Variants in OSBPL9 observed in about 807,000 individuals in gnomAD.
The protein encoded by OSBPL9 is oxysterol-binding protein-related protein 9.
In OSBPL9, 40 loss-of-function variants were observed where a neutral mutation model predicts 106.6. The ratio of observed to expected loss-of-function variants is 0.38; its 90% CI spans 0.29 to 0.49. OSBPL9 has a LOEUF of 0.49. Among genes scored for constraint, OSBPL9 ranks in the 20% least tolerant of loss-of-function variants. The probability of loss-of-function intolerance (pLI) is 0.97; values close to 1 mark genes in which losing one functional copy is unlikely to be tolerated. For missense variants in OSBPL9, 609 were observed against 887.2 expected, an observed-to-expected ratio of 0.69 and a Z score of 3.98; for synonymous variants, 269 against 295.4, an observed-to-expected ratio of 0.91 and a Z score of 0.92.
chr1:51,649,381 G>A (rs1488478367), intron 1 of OSBPL9, among the ~76,000 whole-genome samples: 3 of 152,152 alleles, frequency 2.0e-5, no homozygotes, highest in South Asian at 2.1e-4. Context: ...AAAGTGTTGG[G>A]ATTACAAGCG....
intron 4 of OSBPL9, among the ~76,000 whole-genome samples, chr1:51,727,474 A>G (rs953600237): frequency 1.3e-5 from 2 of 152,220 alleles, no homozygotes; most frequent in African/African-American, 4.8e-5. Flanking sequence ...CACTTCGTTA[A>G]GCTTACAGTC....
intron 8 of OSBPL9, among the ~76,000 whole-genome samples, chr1:51,750,450 A>C (rs547770568): frequency 2.6e-5 from 4 of 152,206 alleles, no homozygotes; most frequent in Admixed American, 2.6e-4. Flanking sequence ...CATTTTATCC[A>C]TTATCACTGC....
intron 2 of OSBPL9, among the ~76,000 whole-genome samples, chr1:51,599,792 A>T (rs1269243304): frequency 8.5e-5 from 13 of 152,224 alleles, no homozygotes. Context: ...CTACTATAAC[A>T]AAGTACCTAA....
At chr1:51,691,912 C>G (rs1289073284) in intron 3 of OSBPL9, among the ~76,000 whole-genome samples, 1 of 152,106 alleles carries the variant, frequency 6.6e-6, no homozygotes, top group Non-Finnish European at 1.5e-5. Flanking sequence ...CTATCATCTC[C>G]TATGATAACA....
At position 51,782,545 on chromosome 1, in the gene OSBPL9, A is replaced by C; in HGVS notation, c.1429-14A>C. 1.2e-6 allele frequency: 2 copies of C among 1,610,832 alleles called. No individual in the cohort carries two copies. Among genetic ancestry groups the C allele is most frequent in the Non-Finnish European group, 1.7e-6 (2 of 1,177,838 alleles). On this transcript the variant is annotated splice_polypyrimidine_tract_variant and intron_variant, in intron 16 of 23. Coordinates refer to ENST00000428468, the MANE Select transcript of OSBPL9 (RefSeq NM_024586.6). Reference sequence around the variant, plus strand: ...TTTCTCATCAAAAGAAAATTATGTTATATTTGCTTGCAGGAACTAGTTTCA... The same window carrying C: ...TTTCTCATCAAAAGAAAATTATGTTCTATTTGCTTGCAGGAACTAGTTTCA...
chr1:51,551,885 G>T, the OSBPL9 span, among the ~76,000 whole-genome samples: 1 of 151,868 alleles, frequency 6.6e-6, no homozygotes, highest in East Asian at 1.9e-4. Context: ...GAGACACCGT[G>T]TCCAGCCTTC....
At chr1:51,643,934 G>A (rs1475809948) in intron 1 of OSBPL9, among the ~76,000 whole-genome samples, 1 of 151,828 alleles carries the variant, frequency 6.6e-6, no homozygotes, top group African/African-American at 2.4e-5. Context: ...AAAAAAATTA[G>A]CTGGGTGTGG....
At chr1:51,622,584 A>G (rs953057319) in intron 1 of OSBPL9, among the ~76,000 whole-genome samples, 7 of 152,210 alleles carry the variant, frequency 4.6e-5, no homozygotes, top group Admixed American at 2.0e-4. Flanking sequence ...CTGGAGCAGG[A>G]AGATCAGCTT....
intron 1 of OSBPL9, among the ~76,000 whole-genome samples, chr1:51,623,177 G>A (rs1644549529): frequency 6.6e-6 from 1 of 152,204 alleles, no homozygotes; most frequent in Non-Finnish European, 1.5e-5. Flanking sequence ...ATGCAGGTTG[G>A]AGTGGCTTGA....
In OSBPL9 at chr1:51,663,295, AGTGT is replaced by A. The variant is rs10544368; in HGVS notation, c.163-6112_163-6109del. On this transcript the variant is annotated intron_variant, in intron 2 of 23. Transcript: ENST00000428468. ...AGTCATTTGAGTCATTATGCTGGCA[AGTGT>A]GTGTGTGTGTGTGTGTGTGTGTGTG... 5.6e-4 allele frequency among the ~76,000 whole-genome samples: 84 copies of A among 148,804 alleles called. 1 individual carries two copies. Among genetic ancestry groups the A allele is most frequent in the African/African-American group, 6.4e-4 (26 of 40,340 alleles).
chr1:51,751,774 T>A (rs1463395676), intron 8 of OSBPL9, among the ~76,000 whole-genome samples: 1 of 152,200 alleles, frequency 6.6e-6, no homozygotes, highest in African/African-American at 2.4e-5. Flanking sequence ...TAGATAGTTG[T>A]ACAGTAGGTC....
intron 2 of OSBPL9, among the ~76,000 whole-genome samples, chr1:51,607,142 G>A (rs1643954351): frequency 6.7e-6 from 1 of 149,946 alleles, no homozygotes; most frequent in African/African-American, 2.5e-5. Flanking sequence ...GACTACAGAT[G>A]TTTTTCTTTT....
At chr1:51,712,106 A>C (rs1035462482) in intron 3 of OSBPL9, among the ~76,000 whole-genome samples, 8 of 152,040 alleles carry the variant, frequency 5.3e-5, no homozygotes, top group Admixed American at 1.3e-4. Context: ...ACGCCACTGC[A>C]CTCCAGCCTG....
At chr1:51,644,668 A>G (rs1014467259) in intron 1 of OSBPL9, among the ~76,000 whole-genome samples, 2 of 152,094 alleles carry the variant, frequency 1.3e-5, no homozygotes, top group African/African-American at 4.8e-5. Flanking sequence ...CCAGGTGGAG[A>G]TGTGCTGAGG....
the OSBPL9 span, among the ~76,000 whole-genome samples, chr1:51,547,395 C>T: frequency 3.3e-5 from 5 of 151,656 alleles, no homozygotes; most frequent in Non-Finnish European, 5.9e-5. Context: ...AGAAAAAATG[C>T]GATTAAAACA....
At chr1:51,599,497 T>A (rs1000706991) in intron 2 of OSBPL9, among the ~76,000 whole-genome samples, 4 of 152,034 alleles carry the variant, frequency 2.6e-5, no homozygotes, top group Admixed American at 2.0e-4. Context: ...TTTAAAAAAA[T>A]TATTATATAC....
Position 51,781,221 on chromosome 1 carries a change from C to G in OSBPL9, c.1314C>G (p.Leu438=). 1 of 1,614,110 alleles carries G rather than the reference C, an allele frequency of 6.2e-7. No individual in the cohort carries two copies. The highest frequency in any genetic ancestry group is 8.5e-7 in the Non-Finnish European group (1 of 1,180,020). ...DRMVQVVKWY[L]SAFHAGRKGS... ...TGGTTCAGGTTGTGAAATGGTACCT[C>G]TCAGCCTTTCATGCGGGAAGGAAAG... Residue 438 remains leucine (L), a synonymous_variant, in exon 16 of 24, where the codon CTC becomes CTG. Coordinates refer to ENST00000428468, the MANE Select transcript of OSBPL9 (RefSeq NM_024586.6).
At chr1:51,708,918 C>A (rs1216639131) in intron 3 of OSBPL9, 2 of 152,164 alleles carry the variant, frequency 1.3e-5, no homozygotes, top group Non-Finnish European at 2.9e-5. Context: ...CTTTTCCAAT[C>A]TATATGCAGT....
upstream of OSBPL9, among the ~76,000 whole-genome samples, chr1:51,573,580 C>T (rs1272678150): frequency 2.7e-5 from 4 of 146,594 alleles, no homozygotes; most frequent in Non-Finnish European, 4.5e-5. Flanking sequence ...TTTTGGGAGG[C>T]TAAGGCGGGC....
Sources: gnomAD v4.1 joint callset for allele counts (sites outside exome capture counted in the v4.1 genomes callset) on GRCh38, gnomAD v4.1.1 for gene constraint, MANE v1.5 for transcripts, NCBI Gene and HGNC (gene_info 2026-07-23, HGNC 2026-07-21) for gene names.